LEPROTL1: variants seen among roughly 807,000 people sequenced by gnomAD.
LEPROTL1 encodes the protein leptin receptor overlapping transcript-like 1.
In LEPROTL1, 6 loss-of-function variants were observed where a neutral mutation model predicts 15.4. That is an observed-to-expected ratio of 0.39 (90% CI 0.21 to 0.77). LEPROTL1 has a LOEUF of 0.77. LEPROTL1 is among the 30% of genes least tolerant of loss of function. LEPROTL1 has a pLI of 0.41. For synonymous variants in LEPROTL1, 56 were observed against 52.6 expected (o/e 1.06, Z -0.28); for missense variants, 128 against 158.1 (o/e 0.81, Z 1.02).
At chr8:30,118,610 A>G (rs71521370) in intron 3 of LEPROTL1, among the ~76,000 whole-genome samples, 1 of 152,296 alleles carries the variant, frequency 6.6e-6, no homozygotes, top group South Asian at 2.1e-4. Flanking sequence ...AGACACAGAG[A>G]CAAAGTATAG....
downstream of LEPROTL1, among the ~76,000 whole-genome samples, chr8:30,112,552 AC>A (rs1802671157): frequency 6.6e-6 from 1 of 150,708 alleles, no homozygotes; most frequent in Admixed American, 6.6e-5. Flanking sequence ...GAGCCACTGC[AC>A]CCGGCCTTTG....
At chr8:30,096,970 A>T (rs990973410) in intron 1 of LEPROTL1, among the ~76,000 whole-genome samples, 1 of 152,042 alleles carries the variant, frequency 6.6e-6, no homozygotes, top group African/African-American at 2.4e-5. Flanking sequence ...TTTTCTGGTA[A>T]CTCCCAGGTT....
intron 3 of LEPROTL1, chr8:30,132,230 G>A: frequency 1.3e-6 from 2 of 1,551,852 alleles, no homozygotes; most frequent in South Asian, 2.4e-5. Flanking sequence ...TGTCCTGGAT[G>A]GAGTCCATGC....
chr8:30,101,242 G>A (rs963938603), intron 1 of LEPROTL1, among the ~76,000 whole-genome samples: 6 of 152,146 alleles, frequency 3.9e-5, no homozygotes, highest in Admixed American at 2.6e-4. Context: ...TTTCAAAACT[G>A]TAGTGATCTG....
intron 1 of LEPROTL1, chr8:30,095,843 T>G (rs1303091621): frequency 2.9e-6 from 2 of 701,588 alleles, no homozygotes; most frequent in East Asian, 5.4e-5. Flanking sequence ...CCGTCGCGAC[T>G]TGGACGGCCA....
intron 2 of LEPROTL1, among the ~76,000 whole-genome samples, chr8:30,102,701 A>G (rs1334375429): frequency 3.3e-5 from 5 of 152,174 alleles, no homozygotes; most frequent in African/African-American, 4.8e-5. Context: ...AACTTCTCAA[A>G]GTTAACATTT....
At chr8:30,108,817 A>G (rs1802612786), downstream of LEPROTL1, among the ~76,000 whole-genome samples, 1 of 152,184 alleles carries the variant, frequency 6.6e-6, no homozygotes, top group African/African-American at 2.4e-5. Flanking sequence ...TTGTAGAAAC[A>G]TGGTTTTGCC....
At chr8:30,132,521 C>A (rs563758119) in intron 4 of LEPROTL1, 1 of 1,551,736 alleles carries the variant, frequency 6.4e-7, no homozygotes, top group South Asian at 1.2e-5. Context: ...GTGGTCCACA[C>A]GACATAGATG....
At chr8:30,131,767 G>T in intron 3 of LEPROTL1, 1 of 688,354 alleles carries the variant, frequency 1.5e-6, no homozygotes, top group Non-Finnish European at 2.3e-6. Context: ...AGTACCAGCA[G>T]AATAGCTTGC....
At chr8:30,138,136 TA>T (rs1447931010), downstream of LEPROTL1, 1 of 168,914 alleles carries the variant, frequency 5.9e-6, no homozygotes, top group Non-Finnish European at 1.3e-5. Context: ...AAATTATCCT[TA>T]AAAACTCAGA....
chr8:30,129,620 G>A (rs1277261067), intron 3 of LEPROTL1, among the ~76,000 whole-genome samples: 5 of 151,552 alleles, frequency 3.3e-5, no homozygotes, highest in African/African-American at 4.8e-5. Flanking sequence ...CAGGAGAATC[G>A]CTTGAACCTA....
At chr8:30,102,035 A>T in intron 2 of LEPROTL1, 62 bp downstream of exon 2, 4 of 1,058,390 alleles carry the variant, frequency 3.8e-6, no homozygotes, top group Non-Finnish European at 5.6e-6. Flanking sequence ...TTTAAAGCTT[A>T]AAAAAATGTT....
chr8:30,095,469 C>A lies in LEPROTL1; in HGVS notation c.-44C>A. 1 of 1,462,402 alleles carries A rather than the reference C, an allele frequency of 6.8e-7. No individual in the cohort carries two copies. 90.6% of individuals were successfully genotyped at this position (1,462,402 alleles called of 1,614,324 possible). A position where few individuals can be genotyped will look rare whatever the true frequency, so the allele number is the denominator to read the frequency against. On this transcript the variant is annotated 5_prime_UTR_variant, in exon 1 of 4. Coordinates refer to ENST00000321250, the MANE Select transcript of LEPROTL1 (RefSeq NM_015344.3). ...TTGGGTCTCCCGGCTGCCGCTGCTG[C>A]CGCCGCCGCCTCGGGTCGTGGAGCC...
chr8:30,121,489 A>G (rs966045884), intron 3 of LEPROTL1, among the ~76,000 whole-genome samples: 10 of 152,104 alleles, frequency 6.6e-5, no homozygotes, highest in Non-Finnish European at 1.3e-4. Flanking sequence ...CCTGAGCTCA[A>G]GTGATCCGCC....
At chr8:30,125,694 G>C (rs1472125659) in intron 3 of LEPROTL1, among the ~76,000 whole-genome samples, 6 of 152,088 alleles carry the variant, frequency 3.9e-5, no homozygotes, top group Non-Finnish European at 7.4e-5. Flanking sequence ...AGGAAACTTG[G>C]GGCCCAGATG....
intron 3 of LEPROTL1, chr8:30,117,872 A>C (rs1265413594): frequency 5.0e-6 from 3 of 595,682 alleles, no homozygotes; most frequent in Admixed American, 6.2e-5. Flanking sequence ...GATTGATTAA[A>C]TCAACTGTGA....
At chr8:30,112,091 G>A (rs770034652), downstream of LEPROTL1, among the ~76,000 whole-genome samples, 11 of 152,124 alleles carry the variant, frequency 7.2e-5, no homozygotes, top group Non-Finnish European at 1.3e-4. Context: ...AGGGAGAAAT[G>A]GAAAATAAAA....
intron 4 of LEPROTL1, among the ~76,000 whole-genome samples, chr8:30,136,346 A>G (rs948702467): frequency 5.3e-5 from 8 of 152,212 alleles, no homozygotes; most frequent in Non-Finnish European, 1.5e-5. Flanking sequence ...GCGGACATAC[A>G]GGGACACTGC....
chr8:30,121,679 CTA>C (rs1802831921), intron 3 of LEPROTL1, among the ~76,000 whole-genome samples: 1 of 152,128 alleles, frequency 6.6e-6, no homozygotes, highest in African/African-American at 2.4e-5. Flanking sequence ...TGACAAGACT[CTA>C]TTGCACTGCT....
Sources: allele counts gnomAD v4.1 joint callset (sites outside exome capture counted in the v4.1 genomes callset), GRCh38; gene constraint gnomAD v4.1.1; transcripts MANE v1.5; gene names NCBI Gene and HGNC (gene_info 2026-07-23, HGNC 2026-07-21).